TPMT: variants seen among roughly 807,000 people sequenced by gnomAD.
The protein encoded by TPMT is S-adenosyl-L-methionine:thiopurine S-methyltransferase.
A neutral mutation model predicts 34.2 loss-of-function variants in TPMT; 18 were observed. The observed-to-expected ratio is 0.53, with a 90% CI of 0.36 to 0.78. The LOEUF (loss-of-function observed/expected upper bound fraction) is 0.78, where lower values mean the gene tolerates loss of function less well. TPMT is among the 30% of genes least tolerant of loss of function. The pLI is 0.00. For synonymous variants in TPMT, 69 were observed against 92.4 expected (o/e 0.75, Z 1.45); for missense variants, 265 against 288.1 (o/e 0.92, Z 0.58).
rs868005081 is a variant in TPMT, at chr6:18,145,672, A to G, written c.234-1944T>C. Among the ~76,000 whole-genome samples, 2 of 152,254 alleles carry G rather than the reference A, an allele frequency of 1.3e-5. No individual in the cohort carries two copies. Among genetic ancestry groups the G allele is most frequent in the African/African-American group, 4.8e-5 (2 of 41,472 alleles). ...TCTTTCATCTTTCGTATTTCTTAGGATATCTGTAAACATACAGGGAGTTTA... is the reference window on the plus strand; with the variant it reads ...TCTTTCATCTTTCGTATTTCTTAGGGTATCTGTAAACATACAGGGAGTTTA... On this transcript the variant is annotated intron_variant, in intron 3 of 8. Transcript: ENST00000309983. The surrounding 1 kb of genome is among the most constrained non-coding windows in gnomAD (Gnocchi z 5.6).
chr6:18,129,984 A>C lies in TPMT; in HGVS notation c.*684T>G, dbSNP rs1214912033. 2.6e-5 allele frequency: 4 copies of C among 152,388 alleles called. No individual in the cohort carries two copies. The highest frequency in any genetic ancestry group is 9.7e-5 in the African/African-American group (4 of 41,430). The allele number at this position is 152,388 out of a possible 1,614,324, so 9.4% of individuals were successfully genotyped here. A position where few individuals can be genotyped will look rare whatever the true frequency, so the allele number is the denominator to read the frequency against. ...TGTTATAGTTCTTCAACAATTCTAA[A>C]TTTCATAAAGAATGTCAGGCCAGGT... On this transcript the variant is annotated 3_prime_UTR_variant, in exon 9 of 9. Coordinates refer to ENST00000309983, the MANE Select transcript of TPMT (RefSeq NM_000367.5).
Position 18,136,576 on chromosome 6 carries a change from GGCGGGTGGATCA to G in TPMT, c.494+2375_494+2386del, listed in dbSNP as rs1469031003. On this transcript the variant is annotated intron_variant, in intron 6 of 8. Coordinates refer to ENST00000309983, the MANE Select transcript of TPMT (RefSeq NM_000367.5). The surrounding 1 kb of genome is among the most constrained non-coding windows in gnomAD (Gnocchi z 4.7). ...TCTAATCCCAGCACCGGGTGGCCGAGGCGGGTGGATCAGCTGGGGTCCGGAGTTCGAGACCAG... is the reference window on the plus strand; with the variant it reads ...TCTAATCCCAGCACCGGGTGGCCGAGGCTGGGGTCCGGAGTTCGAGACCAG... Among the ~76,000 whole-genome samples the G allele has an allele frequency of 6.6e-6, 1 of 152,192 alleles. No homozygotes were observed. The highest frequency in any genetic ancestry group is 6.5e-5 in the Admixed American group (1 of 15,274).
intron 3 of TPMT, among the ~76,000 whole-genome samples, chr6:18,147,579 C>T (rs1243301081): frequency 1.3e-5 from 2 of 152,138 alleles, no homozygotes; most frequent in Admixed American, 1.3e-4. Context: ...GTTTTTTCTC[C>T]CCCCATTGGC....
chr6:18,149,544 A>G lies in TPMT; in HGVS notation c.-44-373T>C, dbSNP rs1784313175. ...AGACCCTGGCTTACTGCAAGCTTCA[A>G]CCTCCTGGGCTCAAGCGATCCTCCC... On this transcript the variant is annotated intron_variant, in intron 1 of 8. Coordinates refer to ENST00000309983, the MANE Select transcript of TPMT (RefSeq NM_000367.5). This position sits in a 1 kb window ranked among gnomAD's most constrained non-coding sequence, Gnocchi z 5.0. 6.7e-6 allele frequency among the ~76,000 whole-genome samples: 1 copy of G among 149,084 alleles called. No homozygotes were observed. Among genetic ancestry groups the G allele is most frequent in the African/African-American group, 2.5e-5 (1 of 40,390 alleles).
chr6:18,152,805 G>A (rs560862740), intron 1 of TPMT, among the ~76,000 whole-genome samples: 31 of 152,138 alleles, frequency 2.0e-4, no homozygotes, highest in South Asian at 6.2e-4. Context: ...AGGACTTAAG[G>A]GAAACCAGCC....
Position 18,146,897 on chromosome 6 carries a change from C to T in TPMT, c.233+926G>A, listed in dbSNP as rs180900077. ...TGCATGCATACTCTGCGTTAGTCACCGATATTTATATTCAGAATAGACCAT... is the reference window on the plus strand; with the variant it reads ...TGCATGCATACTCTGCGTTAGTCACTGATATTTATATTCAGAATAGACCAT... On this transcript the variant is annotated intron_variant, in intron 3 of 8. Coordinates refer to ENST00000309983, the MANE Select transcript of TPMT (RefSeq NM_000367.5). The surrounding 1 kb of genome is among the most constrained non-coding windows in gnomAD (Gnocchi z 6.2). 9.4e-4 allele frequency among the ~76,000 whole-genome samples: 143 copies of T among 152,084 alleles called. 1 individual carries two copies. Among genetic ancestry groups the T allele is most frequent in the African/African-American group, 2.9e-3 (120 of 41,478 alleles).
chr6:18,137,306 T>G (rs1784059850), intron 6 of TPMT, among the ~76,000 whole-genome samples: 1 of 152,006 alleles, frequency 6.6e-6, no homozygotes, highest in Non-Finnish European at 1.5e-5. Flanking sequence ...CCCAGCTAAT[T>G]TTTGTATTTT....
Position 18,145,387 on chromosome 6 carries a change from C to T in TPMT, c.234-1659G>A, listed in dbSNP as rs928610741. ...GGTAGCTGGGGGATGTTGGTGCATT[C>T]CATCTATTCATACCTGGTTTAGTTC... On this transcript the variant is annotated intron_variant, in intron 3 of 8. Transcript: ENST00000309983. This position sits in a 1 kb window ranked among gnomAD's most constrained non-coding sequence, Gnocchi z 5.6. Among the ~76,000 whole-genome samples the T allele has an allele frequency of 3.3e-5, 5 of 152,196 alleles. No individual in the cohort carries two copies. Among genetic ancestry groups the T allele is most frequent in the Non-Finnish European group, 7.3e-5 (5 of 68,034 alleles).
In TPMT at chr6:18,149,098, A is replaced by C. The variant is rs200780293; in HGVS notation, c.30T>G (p.Ile10Met). 1.2e-6 allele frequency: 2 copies of C among 1,613,990 alleles called. No homozygotes were observed. Among genetic ancestry groups the C allele is most frequent in the South Asian group, 2.2e-5 (2 of 91,084 alleles). ...GTACCTCAGTATCCGAGTACTCTTC[A>C]ATGTCAAGTGAAGTTCTTGTACCAT... is the stretch of plus-strand genomic sequence containing the variant. MDGTRTSLD[I>M]EEYSDTEVQK... is the part of the protein sequence containing the mutation. Residue 10 changes from isoleucine (I) to methionine (M), a missense_variant, in exon 2 of 9, where the codon ATT becomes ATG. Transcript: ENST00000309983. The surrounding 1 kb of genome is among the most constrained non-coding windows in gnomAD (Gnocchi z 5.0).
Position 18,141,974 on chromosome 6 carries a change from C to G in TPMT, c.366+1622G>C, listed in dbSNP as rs2518465. On this transcript the variant is annotated intron_variant, in intron 4 of 8. Coordinates refer to ENST00000309983, the MANE Select transcript of TPMT (RefSeq NM_000367.5). ...TAAGAAGCAGACAACATGGTGCCAG[C>G]GAAGGGAAGAGTTCATTTGCATAAT... 7.3e-4 allele frequency among the ~76,000 whole-genome samples: 111 copies of G among 151,944 alleles called. 1 individual carries two copies. The South Asian group carries it at 0.023, about 31-fold the overall frequency.
Position 18,149,986 on chromosome 6 carries a change from T to C in TPMT, c.-44-815A>G, listed in dbSNP as rs1784321809. ...CAGCACACCAAATATTGGACACCAG[T>C]TGGGTATCTTCTGATTTAATTCTGA... is the stretch of plus-strand genomic sequence containing the variant. On this transcript the variant is annotated intron_variant, in intron 1 of 8. Coordinates refer to ENST00000309983, the MANE Select transcript of TPMT (RefSeq NM_000367.5). The surrounding 1 kb of genome is among the most constrained non-coding windows in gnomAD (Gnocchi z 5.0). 6.6e-6 allele frequency among the ~76,000 whole-genome samples: 1 copy of C among 152,050 alleles called. No homozygotes were observed. The highest frequency in any genetic ancestry group is 1.5e-5 in the Non-Finnish European group (1 of 68,004).
chr6:18,139,174 G>C lies in TPMT; in HGVS notation c.420-137C>G. ...TCTCACGTCTGCGTTTCCTCCTAGAGGAATGTGTGGACCTGGGTGTGGAGA... is the reference window on the plus strand; with the variant it reads ...TCTCACGTCTGCGTTTCCTCCTAGACGAATGTGTGGACCTGGGTGTGGAGA... On this transcript the variant is annotated intron_variant, in intron 5 of 8. Coordinates refer to ENST00000309983, the MANE Select transcript of TPMT (RefSeq NM_000367.5). The surrounding 1 kb of genome is among the most constrained non-coding windows in gnomAD (Gnocchi z 4.2). 1 of 817,772 alleles carries C rather than the reference G, an allele frequency of 1.2e-6. No homozygotes were observed. The allele number at this position is 817,772 out of a possible 1,614,324, so 50.7% of individuals were successfully genotyped here.
rs114895334 is a variant in TPMT at position 18,146,798 on chromosome 6, C to T, written c.233+1025G>A. ...AGTCATAGCAGCCCTCTAACAAAGG[C>T]TCTCAGCTACAGTTGATTGGTTGCT... On this transcript the variant is annotated intron_variant, in intron 3 of 8. Coordinates refer to ENST00000309983, the MANE Select transcript of TPMT (RefSeq NM_000367.5). This position sits in a 1 kb window ranked among gnomAD's most constrained non-coding sequence, Gnocchi z 6.2. Among the ~76,000 whole-genome samples, 1,203 of 152,268 alleles carry T rather than the reference C, an allele frequency of 7.9e-3. 15 individuals are homozygous for T. The highest frequency in any genetic ancestry group is 0.028 in the African/African-American group (1,157 of 41,556).
Position 18,136,637 on chromosome 6 carries a change from G to A in TPMT, c.494+2326C>T, listed in dbSNP as rs977235765. On this transcript the variant is annotated intron_variant, in intron 6 of 8. Transcript: ENST00000309983. This position sits in a 1 kb window ranked among gnomAD's most constrained non-coding sequence, Gnocchi z 4.7. ...AGCCTGACCAACATGGAGAAACCCC[G>A]TCTCTACTAAAAATACAAAAAAATT... Among the ~76,000 whole-genome samples the A allele has an allele frequency of 5.3e-5, 8 of 152,054 alleles. No individual in the cohort carries two copies. The highest frequency in any genetic ancestry group is 2.1e-4 in the South Asian group (1 of 4,824).
At position 18,154,753 on chromosome 6, in the gene TPMT, A is replaced by G. The variant is rs1211697408; in HGVS notation, c.-45+280T>C. 3.9e-5 allele frequency among the ~76,000 whole-genome samples: 6 copies of G among 152,182 alleles called. No homozygotes were observed. The highest frequency in any genetic ancestry group is 3.9e-4 in the Admixed American group (6 of 15,282). On this transcript the variant is annotated intron_variant, in intron 1 of 8. Transcript: ENST00000309983. This position sits in a 1 kb window ranked among gnomAD's most constrained non-coding sequence, Gnocchi z 4.2. ...GTGCCACTGCACGCTAGCATGGGCG[A>G]CAGAGGGAGACCCTGTCTCTAAAAG...
At chr6:18,152,922 G>A (rs1412539976) in intron 1 of TPMT, among the ~76,000 whole-genome samples, 1 of 152,156 alleles carries the variant, frequency 6.6e-6, no homozygotes, top group East Asian at 1.9e-4. Context: ...CCAGTCTACT[G>A]AGAATGCACA....
rs1784082423 is a variant in TPMT, at chr6:18,138,308, G to A, written c.494+655C>T. On this transcript the variant is annotated intron_variant, in intron 6 of 8. Transcript: ENST00000309983. This position sits in a 1 kb window ranked among gnomAD's most constrained non-coding sequence, Gnocchi z 4.1. ...TATTTTACAGACAAGGTCTTGCTCT[G>A]TCATTCAGGTTGAAGTGCAGTGGTA... Among the ~76,000 whole-genome samples the A allele has an allele frequency of 6.8e-6, 1 of 146,048 alleles. No homozygotes were observed. Among genetic ancestry groups the A allele is most frequent in the African/African-American group, 2.6e-5 (1 of 39,132 alleles).
Position 18,147,840 on chromosome 6 carries a change from T to C in TPMT, c.216A>G (p.Lys72=). ...GCTCATACCATTTCATCTCAACCGC[T>C]TTTCCGCAAAGAGGAAAAAATACCC... ...GLRVFFPLCG[K]AVEMKWFADR... is the part of the protein sequence containing the mutation. The change falls in exon 3 of 9, where the codon AAA becomes AAG. Residue 72 remains lysine, a synonymous_variant. Coordinates refer to ENST00000309983, the MANE Select transcript of TPMT (RefSeq NM_000367.5). The C allele has an allele frequency of 6.2e-7, 1 of 1,613,868 alleles. No individual in the cohort carries two copies.
Position 18,130,529 on chromosome 6 carries a change from A to G in TPMT, c.*139T>C. ...TTTAGAAAAAGTAAATGGCTTTACTAAAAAGCCATTTTTAGTAAAGATCTA... is the reference window on the plus strand; with the variant it reads ...TTTAGAAAAAGTAAATGGCTTTACTGAAAAGCCATTTTTAGTAAAGATCTA... On this transcript the variant is annotated 3_prime_UTR_variant, in exon 9 of 9. Coordinates refer to ENST00000309983, the MANE Select transcript of TPMT (RefSeq NM_000367.5). The surrounding 1 kb of genome is among the most constrained non-coding windows in gnomAD (Gnocchi z 4.2). 2 of 654,322 alleles carry G rather than the reference A, an allele frequency of 3.1e-6. No homozygotes were observed. The highest frequency in any genetic ancestry group is 2.0e-5 in the South Asian group (1 of 51,044). The allele number at this position is 654,322 out of a possible 1,614,324, so 40.5% of individuals were successfully genotyped here.
Sources: allele counts gnomAD v4.1 joint callset (sites outside exome capture counted in the v4.1 genomes callset), GRCh38; gene constraint gnomAD v4.1.1; non-coding constraint Gnocchi (gnomAD v3.1); transcripts MANE v1.5; gene names NCBI Gene and HGNC (gene_info 2026-07-23, HGNC 2026-07-21).